CSMD1: variants seen among roughly 807,000 people sequenced by gnomAD.
The protein encoded by CSMD1 is CUB and sushi domain-containing protein 1.
A neutral mutation model predicts 417.5 loss-of-function variants in CSMD1; 213 were observed. That is an observed-to-expected ratio of 0.51 (90% CI 0.46 to 0.57). The LOEUF is 0.57. Among genes scored for constraint, CSMD1 ranks in the 20% least tolerant of loss-of-function variants. The pLI is 0.00. For synonymous variants in CSMD1, 2,862 were observed against 1,736.8 expected (o/e 1.65, Z -16.11); for missense variants, 6,923 against 4,529.7 (o/e 1.53, Z -15.17).
rs192204108 is a variant in CSMD1 at position 2,973,271 on chromosome 8, C to T, written c.8769G>A (p.Pro2923=). The change falls in exon 57 of 70, where the codon CCG becomes CCA. Residue 2923 remains proline, a synonymous_variant. Coordinates refer to ENST00000635120, the MANE Select transcript of CSMD1 (RefSeq NM_033225.6). ...GCCGAGACCCATGTGCTGGGGTCCC[C>T]GGATCACCACAGAATCCAGGATTAT... ...TGNNPGFCGD[P]GTPAHGSRLG... 9.4e-5 allele frequency: 151 copies of T among 1,613,820 alleles called. No individual in the cohort carries two copies. In the African/African-American group the frequency reaches 1.1e-3, roughly 11 times the overall value.
At chr8:4,251,382 T>C (rs1171107686) in intron 3 of CSMD1, among the ~76,000 whole-genome samples, 1 of 152,174 alleles carries the variant, frequency 6.6e-6, no homozygotes, top group African/African-American at 2.4e-5. Flanking sequence ...TTTAAAAGCT[T>C]TGATGTCCTC....
intron 26 of CSMD1, among the ~76,000 whole-genome samples, chr8:3,232,857 T>C (rs750977614): frequency 4.6e-5 from 7 of 152,144 alleles, no homozygotes; most frequent in Non-Finnish European, 7.3e-5. Context: ...TCAGTATGTA[T>C]TTAGTTGTAA....
At chr8:4,718,118 C>G (rs1035346870) in intron 1 of CSMD1, among the ~76,000 whole-genome samples, 5 of 152,070 alleles carry the variant, frequency 3.3e-5, no homozygotes, top group Non-Finnish European at 7.4e-5. Flanking sequence ...GTATGACAGG[C>G]ACATGCCACC....
rs1471270571 is a variant in CSMD1, at chr8:3,818,283, C to A, written c.819-64241G>T. On this transcript the variant is annotated intron_variant, in intron 5 of 69. Coordinates refer to ENST00000635120, the MANE Select transcript of CSMD1 (RefSeq NM_033225.6). ...GTGCTTCACCCTCTCTATTCAGAGCCACAGGGTGTAGTGGGAGAGAAGAAC... is the reference window on the plus strand; with the variant it reads ...GTGCTTCACCCTCTCTATTCAGAGCAACAGGGTGTAGTGGGAGAGAAGAAC... Among the ~76,000 whole-genome samples, 3 of 152,092 alleles carry A rather than the reference C, an allele frequency of 2.0e-5. No individual in the cohort carries two copies. The South Asian group carries it at 6.2e-4, about 32-fold the overall frequency.
intron 3 of CSMD1, among the ~76,000 whole-genome samples, chr8:4,222,168 C>A (rs1801070413): frequency 1.3e-5 from 2 of 151,884 alleles, no homozygotes; most frequent in Non-Finnish European, 2.9e-5. Flanking sequence ...CATCTCAAAA[C>A]CCCTTCTGTG....
At chr8:3,274,749 AC>A (rs1463339413) in intron 26 of CSMD1, among the ~76,000 whole-genome samples, 5 of 151,930 alleles carry the variant, frequency 3.3e-5, no homozygotes, top group Admixed American at 1.3e-4. Context: ...TAGGATTGCA[AC>A]CCCTGCCTTT....
At chr8:2,950,793 G>C (rs887837564) in intron 66 of CSMD1, among the ~76,000 whole-genome samples, 3 of 152,084 alleles carry the variant, frequency 2.0e-5, no homozygotes, top group Admixed American at 2.0e-4. Flanking sequence ...ATCTCATGAA[G>C]AGCACATGAG....
In CSMD1 at chr8:3,523,838, G is replaced by C. The variant is rs1244809263; in HGVS notation, c.1345-30112C>G. 3.9e-5 allele frequency among the ~76,000 whole-genome samples: 4 copies of C among 102,134 alleles called. No individual in the cohort carries two copies. In the East Asian group the frequency reaches 9.5e-4, roughly 24 times the overall value. The allele number at this position is 102,134 out of a possible 152,430, so 67.0% of individuals were successfully genotyped here. A position where few individuals can be genotyped will look rare whatever the true frequency, so the allele number is the denominator to read the frequency against. On this transcript the variant is annotated intron_variant, in intron 10 of 69. Coordinates refer to ENST00000635120, the MANE Select transcript of CSMD1 (RefSeq NM_033225.6). ...ACACGCACATATGCATGCACACCCA[G>C]AGACACATGTGCATGCGCATGCACA...
intron 1 of CSMD1, among the ~76,000 whole-genome samples, chr8:4,826,754 G>A (rs1212834847): frequency 6.6e-6 from 1 of 152,062 alleles, no homozygotes; most frequent in Non-Finnish European, 1.5e-5. Flanking sequence ...AGACAGTTCT[G>A]TTTTAAACAT....
At chr8:3,823,310 C>A (rs1188832999) in intron 5 of CSMD1, among the ~76,000 whole-genome samples, 11 of 152,162 alleles carry the variant, frequency 7.2e-5, no homozygotes, top group Admixed American at 3.9e-4. Flanking sequence ...TGCAAACCAT[C>A]TTCTGGGTGC....
chr8:3,178,694 C>G (rs1291325859), intron 37 of CSMD1, among the ~76,000 whole-genome samples: 3 of 152,008 alleles, frequency 2.0e-5, no homozygotes, highest in Admixed American at 1.3e-4. Flanking sequence ...CAAGCGGTAA[C>G]AAGTTTAGAG....
At chr8:3,846,920 C>T (rs1803545234) in intron 5 of CSMD1, among the ~76,000 whole-genome samples, 1 of 152,148 alleles carries the variant, frequency 6.6e-6, no homozygotes, top group Non-Finnish European at 1.5e-5. Context: ...GGTGATCCAC[C>T]CGCCCTGGCC....
chr8:3,497,211 C>G (rs1796402853), intron 10 of CSMD1, among the ~76,000 whole-genome samples: 2 of 152,088 alleles, frequency 1.3e-5, no homozygotes, highest in Admixed American at 1.3e-4. Flanking sequence ...AATTTTCTGT[C>G]TAGATAATCT....
At chr8:3,070,117 C>A (rs1182752769) in intron 49 of CSMD1, among the ~76,000 whole-genome samples, 1 of 152,166 alleles carries the variant, frequency 6.6e-6, no homozygotes, top group South Asian at 2.1e-4. Context: ...CTGGGCCTGG[C>A]CCACAAAATC....
intron 1 of CSMD1, among the ~76,000 whole-genome samples, chr8:4,646,186 G>A (rs1191829888): frequency 6.6e-6 from 1 of 152,182 alleles, no homozygotes; most frequent in Non-Finnish European, 1.5e-5. Context: ...TGCCAGTGGA[G>A]AGAATTCTCT....
intron 3 of CSMD1, among the ~76,000 whole-genome samples, chr8:4,314,997 G>A (rs894599714): frequency 1.3e-5 from 2 of 152,086 alleles, no homozygotes; most frequent in Non-Finnish European, 2.9e-5. Context: ...TAATAGTACT[G>A]ACAGCCCCAG....
rs73660716 is a variant in CSMD1 at position 4,260,990 on chromosome 8, G to T, written c.415+158963C>A. Among the ~76,000 whole-genome samples the T allele has an allele frequency of 3.5e-3, 539 of 152,040 alleles. 3 individuals are homozygous for T. The highest frequency in any genetic ancestry group is 0.013 in the African/African-American group (519 of 41,478). On this transcript the variant is annotated intron_variant, in intron 3 of 69. Coordinates refer to ENST00000635120, the MANE Select transcript of CSMD1 (RefSeq NM_033225.6). ...TTGACTTGCCTCTTTTGTAAACAACGTATCATTCAATTAAAATACAAAGTT... is the reference window on the plus strand; with the variant it reads ...TTGACTTGCCTCTTTTGTAAACAACTTATCATTCAATTAAAATACAAAGTT...
chr8:3,850,189 G>C (rs1296401207), intron 5 of CSMD1, among the ~76,000 whole-genome samples: 2 of 152,230 alleles, frequency 1.3e-5, no homozygotes, highest in South Asian at 2.1e-4. Flanking sequence ...GGCAAATTTT[G>C]AGACTGTTTA....
chr8:4,697,317 G>A (rs1401592827), intron 1 of CSMD1, among the ~76,000 whole-genome samples: 1 of 152,072 alleles, frequency 6.6e-6, no homozygotes, highest in East Asian at 1.9e-4. Flanking sequence ...AGTTATCATT[G>A]CCCTTCTCAC....
Sources: allele counts gnomAD v4.1 joint callset (sites outside exome capture counted in the v4.1 genomes callset), GRCh38; gene constraint gnomAD v4.1.1; transcripts MANE v1.5; gene names NCBI Gene and HGNC (gene_info 2026-07-23, HGNC 2026-07-21).